Variants in FNDC3B observed in about 807,000 individuals in gnomAD.
The protein encoded by FNDC3B is fibronectin type III domain-containing protein 3B.
Under a neutral mutation model 151.5 loss-of-function variants are expected in FNDC3B, and 12 were observed. That is an observed-to-expected ratio of 0.08 (90% CI 0.05 to 0.13). The LOEUF is 0.13. Ranked by LOEUF, FNDC3B falls within the 10% of genes least tolerant of loss-of-function variation. The probability of loss-of-function intolerance (pLI) is 1.00; values close to 1 mark genes in which losing one functional copy is unlikely to be tolerated. For synonymous variants in FNDC3B, 528 were observed against 549.0 expected (o/e 0.96, Z 0.54); for missense variants, 1,214 against 1,505.3 (o/e 0.81, Z 3.20).
In FNDC3B at chr3:172,152,178, T is replaced by C. The variant is rs1006075689; in HGVS notation, c.187+18632T>C. Among the ~76,000 whole-genome samples the C allele has an allele frequency of 8.5e-5, 13 of 152,320 alleles. 1 individual carries two copies. In the South Asian group the frequency reaches 1.9e-3, roughly 22 times the overall value. Reference sequence around the variant, plus strand: ...GGTTTGTTTTGGCTGCCAATTCCTCTTCACAAAAATCGCTGGTTTTGCAGC... The same window carrying C: ...GGTTTGTTTTGGCTGCCAATTCCTCCTCACAAAAATCGCTGGTTTTGCAGC... On this transcript the variant is annotated intron_variant, in intron 3 of 25. Coordinates refer to ENST00000415807, the MANE Select transcript of FNDC3B (RefSeq NM_022763.4).
At chr3:172,147,130 AC>A (rs1721951898) in intron 3 of FNDC3B, among the ~76,000 whole-genome samples, 1 of 151,900 alleles carries the variant, frequency 6.6e-6, no homozygotes, top group South Asian at 2.1e-4. Context: ...ACATAGCAAA[AC>A]CCTGTCTCTA....
At chr3:172,376,383 G>A (rs979973457) in intron 23 of FNDC3B, among the ~76,000 whole-genome samples, 2 of 152,134 alleles carry the variant, frequency 1.3e-5, no homozygotes, top group African/African-American at 4.8e-5. Context: ...TTAGATTGTG[G>A]CATGGCAGGA....
intron 3 of FNDC3B, among the ~76,000 whole-genome samples, chr3:172,138,268 A>C (rs2108581145): frequency 6.6e-6 from 1 of 152,374 alleles, no homozygotes; most frequent in Admixed American, 6.5e-5. Context: ...ATGTGAATTC[A>C]GTTGTGACAG....
intron 3 of FNDC3B, among the ~76,000 whole-genome samples, chr3:172,171,070 G>A (rs1463347988): frequency 1.3e-5 from 2 of 152,160 alleles, no homozygotes; most frequent in African/African-American, 2.4e-5. Flanking sequence ...GGGTCTATGT[G>A]GCTCTACAAA....
chr3:172,109,583 T>C (rs1461114619), intron 1 of FNDC3B, among the ~76,000 whole-genome samples: 3 of 152,240 alleles, frequency 2.0e-5, no homozygotes, highest in Non-Finnish European at 4.4e-5. Context: ...TTTCTTCTGT[T>C]TTCTCCATGA....
chr3:172,205,487 A>G (rs1209677437), intron 3 of FNDC3B, among the ~76,000 whole-genome samples: 3 of 152,208 alleles, frequency 2.0e-5, no homozygotes, highest in African/African-American at 7.2e-5. Context: ...AGGTGAGGAA[A>G]CCAAGGCACA....
chr3:172,170,114 AG>A (rs1468737989), intron 3 of FNDC3B, among the ~76,000 whole-genome samples: 6 of 152,182 alleles, frequency 3.9e-5, no homozygotes, highest in Non-Finnish European at 8.8e-5. Flanking sequence ...ATATAAGCAA[AG>A]TTGTTTTCTT....
intron 7 of FNDC3B, among the ~76,000 whole-genome samples, chr3:172,287,103 T>C (rs6445056): frequency 0.59 from 90,030 of 152,036 alleles, 27,290 homozygotes; most frequent in African/African-American, 0.71. Context: ...TCCTCTAAGA[T>C]GCCTTCCTGA....
chr3:172,378,486 G>A (rs772692473), intron 24 of FNDC3B, 50 bp downstream of exon 24: 1 of 1,467,696 alleles, frequency 6.8e-7, no homozygotes, highest in Non-Finnish European at 9.1e-7. Flanking sequence ...GTAAGGAACT[G>A]TTGGGACTTA....
chr3:172,289,762 G>A (rs1001912200), intron 7 of FNDC3B, among the ~76,000 whole-genome samples: 18 of 152,168 alleles, frequency 1.2e-4, no homozygotes, highest in African/African-American at 4.1e-4. Flanking sequence ...ATGTGCCTCC[G>A]CCAGCGTGTA....
chr3:172,287,244 C>T (rs1173447646), intron 7 of FNDC3B, among the ~76,000 whole-genome samples: 1 of 152,120 alleles, frequency 6.6e-6, no homozygotes, highest in Non-Finnish European at 1.5e-5. Context: ...TCTGTGGTTT[C>T]TCTAGGACAG....
At chr3:172,242,750 A>G (rs1727566431) in intron 4 of FNDC3B, among the ~76,000 whole-genome samples, 1 of 152,158 alleles carries the variant, frequency 6.6e-6, no homozygotes, top group Admixed American at 6.5e-5. Flanking sequence ...CATTTTCCCC[A>G]TTGTCTTGCG....
At chr3:172,133,753 G>A (rs1336229805) in intron 3 of FNDC3B, 7 of 586,590 alleles carry the variant, frequency 1.2e-5, no homozygotes, top group Middle Eastern at 4.7e-4. Context: ...TCTGTATTGG[G>A]TATCTGTTGG....
chr3:172,121,319 A>G (rs1720535344), intron 2 of FNDC3B, among the ~76,000 whole-genome samples: 2 of 152,218 alleles, frequency 1.3e-5, no homozygotes, highest in African/African-American at 4.8e-5. Flanking sequence ...ATGACTTGTA[A>G]AATGAATTAG....
intron 9 of FNDC3B, among the ~76,000 whole-genome samples, chr3:172,299,623 T>C (rs1411107571): frequency 1.2e-5 from 1 of 85,740 alleles, no homozygotes; most frequent in Non-Finnish European, 2.3e-5. Flanking sequence ...TTGTTTCCCT[T>C]TTTTTTTTCA....
chr3:172,072,400 G>A (rs895243884), intron 1 of FNDC3B, among the ~76,000 whole-genome samples: 17 of 151,486 alleles, frequency 1.1e-4, no homozygotes, highest in African/African-American at 3.9e-4. Context: ...GACCTCGTTA[G>A]GGTTGTCAGT....
At position 172,198,298 on chromosome 3, in the gene FNDC3B, C is replaced by T. The variant is rs1046881312; in HGVS notation, c.188-28573C>T. Among the ~76,000 whole-genome samples the T allele has an allele frequency of 1.2e-4, 18 of 152,222 alleles. No individual in the cohort carries two copies. In the South Asian group the frequency reaches 3.5e-3, roughly 30 times the overall value. On this transcript the variant is annotated intron_variant, in intron 3 of 25. Coordinates refer to ENST00000415807, the MANE Select transcript of FNDC3B (RefSeq NM_022763.4). ...GGGGTACATGTGCCTGTTAGTATTG[C>T]AGTTGTGCCTCTCCAAAACTCTTAG...
intron 23 of FNDC3B, among the ~76,000 whole-genome samples, chr3:172,377,366 C>CGTCA (rs1225391284): frequency 1.3e-5 from 2 of 152,204 alleles, no homozygotes; most frequent in African/African-American, 4.8e-5. Flanking sequence ...TCCTGGATGA[C>CGTCA]TTATGGGAAG....
At chr3:172,316,147 A>G (rs1328012938) in intron 11 of FNDC3B, among the ~76,000 whole-genome samples, 2 of 151,772 alleles carry the variant, frequency 1.3e-5, no homozygotes, top group African/African-American at 4.8e-5. Context: ...AGCTGAGATT[A>G]CAGGCGTCTG....
Sources: gnomAD v4.1 joint callset for allele counts (sites outside exome capture counted in the v4.1 genomes callset) on GRCh38, gnomAD v4.1.1 for gene constraint, MANE v1.5 for transcripts, NCBI Gene and HGNC (gene_info 2026-07-23, HGNC 2026-07-21) for gene names.